Variants in RBFOX3 observed in about 807,000 individuals in gnomAD.
RBFOX3 encodes RNA binding protein fox-1 homolog 3.
RBFOX3 carries 17 observed loss-of-function variants against 48.7 expected under a neutral mutation model. The ratio of observed to expected loss-of-function variants is 0.35; its 90% CI spans 0.24 to 0.52. The LOEUF is 0.52. Ranked by LOEUF, RBFOX3 falls within the 20% of genes least tolerant of loss-of-function variation. The pLI is 0.94. For synonymous variants in RBFOX3, 212 were observed against 209.5 expected (o/e 1.01, Z -0.10); for missense variants, 382 against 497.5 (o/e 0.77, Z 2.21).
At chr17:79,420,933 C>A (rs112730436) in intron 2 of RBFOX3, among the ~76,000 whole-genome samples, 1 of 152,178 alleles carries the variant, frequency 6.6e-6, no homozygotes, top group Non-Finnish European at 1.5e-5. Context: ...TCAGGTCAGC[C>A]ATGTACACCT....
chr17:79,491,379 A>T (rs1287023598), intron 1 of RBFOX3, among the ~76,000 whole-genome samples: 1 of 152,006 alleles, frequency 6.6e-6, no homozygotes, highest in Non-Finnish European at 1.5e-5. Flanking sequence ...AGGAATTTTA[A>T]GTAGGACATG....
intron 4 of RBFOX3, among the ~76,000 whole-genome samples, chr17:79,116,480 G>A (rs2061538): frequency 0.16 from 24,999 of 152,226 alleles, 2,058 homozygotes; most frequent in South Asian, 0.24. Context: ...GCACTATTGC[G>A]CTCCAGCCTG....
At chr17:79,125,820 G>A (rs1461850783) in intron 4 of RBFOX3, among the ~76,000 whole-genome samples, 1 of 152,236 alleles carries the variant, frequency 6.6e-6, no homozygotes, top group East Asian at 1.9e-4. Flanking sequence ...AGCACCTCTG[G>A]GCAAAGCCCA....
At chr17:79,383,195 C>T (rs987347729) in intron 2 of RBFOX3, among the ~76,000 whole-genome samples, 1 of 152,202 alleles carries the variant, frequency 6.6e-6, no homozygotes, top group Admixed American at 6.5e-5. Context: ...AGACCAGGGA[C>T]AATATCACAT....
intron 2 of RBFOX3, among the ~76,000 whole-genome samples, chr17:79,444,646 G>A (rs1297717381): frequency 1.3e-5 from 2 of 151,904 alleles, no homozygotes; most frequent in Admixed American, 6.6e-5. Flanking sequence ...GACACTTCCC[G>A]GACTGGCCTT....
At chr17:79,143,942 C>G (rs541944697) in intron 4 of RBFOX3, among the ~76,000 whole-genome samples, 1 of 152,248 alleles carries the variant, frequency 6.6e-6, no homozygotes, top group Non-Finnish European at 1.5e-5. Context: ...AGGACGGACA[C>G]CCCCATCCTT....
rs368126503 is a variant in RBFOX3, at chr17:79,184,881, G to T, written c.-34+50885C>A. 2.0e-5 allele frequency among the ~76,000 whole-genome samples: 3 copies of T among 152,308 alleles called. 1 individual carries two copies. Among genetic ancestry groups the T allele is most frequent in the African/African-American group, 7.2e-5 (3 of 41,570 alleles). ...CAGGAAGGTCGATTGTCCCCTTGGG[G>T]CCTTGGTTTCCACATCCAGCCCGAG... is the stretch of plus-strand genomic sequence containing the variant. On this transcript the variant is annotated intron_variant, in intron 4 of 14. Transcript: ENST00000693108.
Position 79,363,484 on chromosome 17 carries a change from C to T in RBFOX3, c.-174-55660G>A, listed in dbSNP as rs952076797. The stretch of plus-strand genomic sequence containing the variant: ...TGTCTGGCTGCCTCCTCGGCTTTTT[C>T]AAGAAGCCTCAGAAGTATCTCAGAA... On this transcript the variant is annotated intron_variant, in intron 2 of 14. Coordinates refer to ENST00000693108, the MANE Select transcript of RBFOX3 (RefSeq NM_001350451.2). This position sits in a 1 kb window ranked among gnomAD's most constrained non-coding sequence, Gnocchi z 4.7. 1.3e-4 allele frequency among the ~76,000 whole-genome samples: 20 copies of T among 152,100 alleles called. No homozygotes were observed. The highest frequency in any genetic ancestry group is 2.6e-4 in the Non-Finnish European group (18 of 68,008).
At chr17:79,171,453 C>T (rs374699629) in intron 4 of RBFOX3, among the ~76,000 whole-genome samples, 1 of 152,140 alleles carries the variant, frequency 6.6e-6, no homozygotes, top group Non-Finnish European at 1.5e-5. Flanking sequence ...TTTCTGCCGT[C>T]GCCAGGCAAA....
the RBFOX3 span, among the ~76,000 whole-genome samples, chr17:79,623,989 A>G: frequency 8.1e-3 from 1,236 of 152,296 alleles, 10 homozygotes; most frequent in East Asian, 0.025. Context: ...AGCAGCCTCC[A>G]GAGACTAGAA....
At position 79,195,488 on chromosome 17, in the gene RBFOX3, G is replaced by T. The variant is rs2055401681; in HGVS notation, c.-34+40278C>A. 6.6e-6 allele frequency among the ~76,000 whole-genome samples: 1 copy of T among 152,160 alleles called. No individual in the cohort carries two copies. Among genetic ancestry groups the T allele is most frequent in the Non-Finnish European group, 1.5e-5 (1 of 68,032 alleles). ...TAAGGCCGCACGCAAGTCTGTGTGG[G>T]CAGGAAGCCTGCCCTGATCTCCCCA... On this transcript the variant is annotated intron_variant, in intron 4 of 14. Transcript: ENST00000693108. The surrounding 1 kb of genome is among the most constrained non-coding windows in gnomAD (Gnocchi z 5.3).
At chr17:79,097,480 A>T (rs2075559953) in intron 10 of RBFOX3, 56 bp from the exon 11 acceptor site, 1 of 1,452,472 alleles carries the variant, frequency 6.9e-7, no homozygotes, top group Admixed American at 2.3e-5. Context: ...CCCACCTGGC[A>T]CCCCCTCCCC....
At chr17:79,231,383 C>A (rs2061017494) in intron 4 of RBFOX3, among the ~76,000 whole-genome samples, 1 of 152,176 alleles carries the variant, frequency 6.6e-6, no homozygotes, top group Non-Finnish European at 1.5e-5. Flanking sequence ...CAGATTGGAA[C>A]AGGAACTTTT....
At chr17:79,117,555 GC>G (rs879651064) in intron 4 of RBFOX3, among the ~76,000 whole-genome samples, 1 of 152,198 alleles carries the variant, frequency 6.6e-6, no homozygotes, top group Admixed American at 6.5e-5. Context: ...ATCCCCCTCT[GC>G]CGGGCTCCTG....
rs56927165 is a variant in RBFOX3, at chr17:79,393,514, T to C, written c.-174-85690A>G. Among the ~76,000 whole-genome samples, 1,498 of 152,348 alleles carry C rather than the reference T, an allele frequency of 9.8e-3. 20 individuals are homozygous for C. Among genetic ancestry groups the C allele is most frequent in the African/African-American group, 0.034 (1,434 of 41,574 alleles). On this transcript the variant is annotated intron_variant, in intron 2 of 14. Transcript: ENST00000693108. ...AGCTGGCTCCTGGTCGGCAATCTGC[T>C]CCTGCTCCTGGCCAGGGCAATAGCA...
intron 4 of RBFOX3, among the ~76,000 whole-genome samples, chr17:79,210,009 A>AAG (rs1555608810): frequency 2.0e-5 from 3 of 151,544 alleles, no homozygotes; most frequent in Non-Finnish European, 4.4e-5. Flanking sequence ...AAAAAAAAAA[A>AAG]AAAGAAAGAA....
At chr17:79,640,257 G>A in the RBFOX3 span, among the ~76,000 whole-genome samples, 1 of 152,104 alleles carries the variant, frequency 6.6e-6, no homozygotes, top group Non-Finnish European at 1.5e-5. Flanking sequence ...AAGAGGTTGA[G>A]GGCTTGTACA....
intron 1 of RBFOX3, among the ~76,000 whole-genome samples, chr17:79,579,104 T>C (rs1288036444): frequency 6.6e-6 from 1 of 152,220 alleles, no homozygotes; most frequent in Non-Finnish European, 1.5e-5. Context: ...GCTGTTTTCT[T>C]CCTGCCCAGC....
chr17:79,101,180 G>A (rs2076364982), intron 9 of RBFOX3, among the ~76,000 whole-genome samples: 1 of 152,180 alleles, frequency 6.6e-6, no homozygotes. Flanking sequence ...CCCTCCCTGA[G>A]CCTGCTTACA....
Sources: gnomAD v4.1 joint callset for allele counts (sites outside exome capture counted in the v4.1 genomes callset) on GRCh38, gnomAD v4.1.1 for gene constraint, Gnocchi (gnomAD v3.1) non-coding constraint, MANE v1.5 for transcripts, NCBI Gene and HGNC (gene_info 2026-07-23, HGNC 2026-07-21) for gene names.